ARHGAP45: variants seen among roughly 807,000 people sequenced by gnomAD.
The protein encoded by ARHGAP45 is Rho GTPase activating protein 45.
ARHGAP45 carries 56 observed loss-of-function variants against 116.1 expected under a neutral mutation model. That is an observed-to-expected ratio of 0.48 (90% CI 0.39 to 0.60). ARHGAP45 has a LOEUF of 0.60. Among genes scored for constraint, ARHGAP45 ranks in the 20% least tolerant of loss-of-function variants. The pLI is 0.00. For missense variants in ARHGAP45, 1,622 were observed against 1,601.0 expected, an observed-to-expected ratio of 1.01 and a Z score of -0.22; for synonymous variants, 866 against 701.7, an observed-to-expected ratio of 1.23 and a Z score of -3.70.
At position 1,079,876 on chromosome 19, in the gene ARHGAP45, G is replaced by A. The variant is rs376228857; in HGVS notation, c.1512+36G>A. The A allele has an allele frequency of 2.1e-5, 33 of 1,592,086 alleles. No homozygotes were observed. The African/African-American group carries it at 3.9e-4, about 19-fold the overall frequency. On this transcript the variant is annotated intron_variant, in intron 12 of 22. Transcript: ENST00000313093. ...TGCTCCGGCCGCCCGGGCGGGGATG[G>A]TGGACCGGGCGGCCTCCTCCTGACC...
chr19:1,085,518 T>C, intron 22 of ARHGAP45, 142 bp from the exon 23 acceptor site: 1 of 628,780 alleles, frequency 1.6e-6, no homozygotes, highest in Non-Finnish European at 2.7e-6. Flanking sequence ...CCTCCATCTC[T>C]CCTGTCTCTC....
In ARHGAP45 at chr19:1,080,113, C is replaced by T. The variant is rs140320291; in HGVS notation, c.1698C>T (p.Asn566=). 1.1e-5 allele frequency: 17 copies of T among 1,611,420 alleles called. No homozygotes were observed. The highest frequency in any genetic ancestry group is 1.6e-4 in the Middle Eastern group (1 of 6,078). The change falls in exon 13 of 23, where the codon AAC becomes AAT. Residue 566 remains asparagine, a synonymous_variant. Transcript: ENST00000313093. The part of the protein sequence containing the change: ...HYDFEPHVSA[N]AWSPVMRARK... ...ACTTTGAGCCCCACGTCTCCGCCAA[C>T]GCCTGGTACCGCCACCCAGCTGCCC...
intron 16 of ARHGAP45, 44 bp downstream of exon 16, chr19:1,080,830 C>G (rs765460960): frequency 6.2e-7 from 1 of 1,610,172 alleles, no homozygotes; most frequent in South Asian, 1.1e-5. Flanking sequence ...GGGGTTTGGA[C>G]ACAGTCCATG....
intron 2 of ARHGAP45, 59 bp from the exon 3 acceptor site, chr19:1,073,085 AGGTGG>A (rs2043169542): frequency 1.3e-6 from 2 of 1,517,418 alleles, no homozygotes; most frequent in Non-Finnish European, 1.8e-6. Flanking sequence ...AAGAGGGAGG[AGGTGG>A]ACAGACTTTC....
rs148488853 is a variant in ARHGAP45, at chr19:1,080,361, C to A, written c.1810C>A (p.Pro604Thr). Reference protein sequence around the residue: ...PEEGGCTEGTPAKDHRAGRGH... With the variant: ...PEEGGCTEGTTAKDHRAGRGH... ...AGAAGGCGGGTGCACTGAGGGCACA[C>A]CTGCCAAGGACCACAGGGGTGAGTG... The change falls in exon 14 of 23, where the codon CCT becomes ACT. Residue 604 changes from proline to threonine, a missense_variant. Transcript: ENST00000313093. The A allele has an allele frequency of 1.9e-6, 3 of 1,607,610 alleles. No individual in the cohort carries two copies. Among genetic ancestry groups the A allele is most frequent in the Non-Finnish European group, 2.5e-6 (3 of 1,178,836 alleles).
Position 1,086,187 on chromosome 19 carries a change from C to CT in ARHGAP45, c.*183dup, listed in dbSNP as rs2043643547. On this transcript the variant is annotated 3_prime_UTR_variant, in exon 23 of 23. Coordinates refer to ENST00000313093, the MANE Select transcript of ARHGAP45 (RefSeq NM_012292.5). ...CAGAGGCTTCCAGGAGCACGAGGGC[C>CT]TTGCGGCACAGGACTGTGCCCTGTG... is the stretch of plus-strand genomic sequence containing the variant. 1.6e-6 allele frequency: 1 copy of CT among 607,946 alleles called. No individual in the cohort carries two copies. Among genetic ancestry groups the CT allele is most frequent in the African/African-American group, 1.9e-5 (1 of 53,942 alleles). The allele number at this position is 607,946 out of a possible 1,614,324, so 37.7% of individuals were successfully genotyped here.
chr19:1,078,289 G>T (rs933108298), intron 11 of ARHGAP45, among the ~76,000 whole-genome samples: 1 of 150,956 alleles, frequency 6.6e-6, no homozygotes, highest in South Asian at 2.1e-4. Context: ...GACTACAGGC[G>T]CCCGCCACCA....
chr19:1,081,476 TG>T, intron 17 of ARHGAP45, 73 bp from the exon 18 acceptor site: 1 of 1,358,392 alleles, frequency 7.4e-7, no homozygotes, highest in Non-Finnish European at 9.7e-7. Flanking sequence ...CCCGGGGAGG[TG>T]GGGTGGAGCC....
intron 10 of ARHGAP45, chr19:1,077,075 T>C: frequency 1.2e-5 from 12 of 985,332 alleles, no homozygotes; most frequent in Non-Finnish European, 1.3e-5. Flanking sequence ...GCGAATCTGA[T>C]GGTGCAGGTT....
chr19:1,084,027 G>C (rs62131205), intron 21 of ARHGAP45, among the ~76,000 whole-genome samples: 13,222 of 152,206 alleles, frequency 0.087, 694 homozygotes, highest in African/African-American at 0.13. Flanking sequence ...ACAGGTGTGA[G>C]CCACTGCACG....
At position 1,086,081 on chromosome 19, in the gene ARHGAP45, C is replaced by A; in HGVS notation, c.*75C>A. 3.0e-6 allele frequency: 4 copies of A among 1,340,744 alleles called. No homozygotes were observed. The highest frequency in any genetic ancestry group is 4.6e-5 in the East Asian group (2 of 43,272). 83.1% of individuals were successfully genotyped at this position (1,340,744 alleles called of 1,614,324 possible). A position where few individuals can be genotyped will look rare whatever the true frequency, so the allele number is the denominator to read the frequency against. On this transcript the variant is annotated 3_prime_UTR_variant, in exon 23 of 23. Transcript: ENST00000313093. ...TCCCTCCAGCACGTCCCCTGCACCA[C>A]GGCATAGCTTAGGTGCGCCGTCCTG...
chr19:1,073,239 T>C lies in ARHGAP45; in HGVS notation c.512T>C (p.Leu171Pro). 1 of 1,613,676 alleles carries C rather than the reference T, an allele frequency of 6.2e-7. No individual in the cohort carries two copies. Among genetic ancestry groups the C allele is most frequent in the South Asian group, 1.1e-5 (1 of 91,084 alleles). The part of the protein sequence containing the change: ...MHQIISKYPL[L>P]NTVETLTAAG... ...CAGATCATCTCCAAGTACCCGCTGC[T>C]GAACACCGTGGAGACGCTCACCGCA... The change falls in exon 3 of 23, where the codon CTG (leucine) becomes CCG (proline). Residue 171 changes from leucine (L) to proline (P), a missense_variant. This residue lies in a region of ARHGAP45 where 279 missense variants were observed against 311.9 expected (regional missense o/e 0.89). Coordinates refer to ENST00000313093, the MANE Select transcript of ARHGAP45 (RefSeq NM_012292.5).
At chr19:1,076,451 C>T (rs2043249798) in intron 10 of ARHGAP45, among the ~76,000 whole-genome samples, 1 of 146,270 alleles carries the variant, frequency 6.8e-6, no homozygotes, top group Non-Finnish European at 1.5e-5. Flanking sequence ...GCCTATTTTG[C>T]CAGGTAGAAA....
Position 1,079,978 on chromosome 19 carries a change from C to A in ARHGAP45, c.1563C>A (p.Pro521=), listed in dbSNP as rs566734404. 1.2e-6 allele frequency: 2 copies of A among 1,612,678 alleles called. No homozygotes were observed. Among genetic ancestry groups the A allele is most frequent in the East Asian group, 2.2e-5 (1 of 44,892 alleles). Residue 521 remains proline, a synonymous_variant, in exon 13 of 23, where the codon CCC becomes CCA. Transcript: ENST00000313093. ...QMMHMQTAPL[P]VHFQMLCESS... is the part of the protein sequence containing the mutation. ...TGCATATGCAGACGGCGCCGCTGCC[C>A]GTGCACTTCCAGATGCTGTGTGAGA...
Position 1,071,420 on chromosome 19 carries a change from C to G in ARHGAP45, c.422-1729C>G. 2.7e-6 allele frequency: 3 copies of G among 1,099,900 alleles called. No individual in the cohort carries two copies. Among genetic ancestry groups the G allele is most frequent in the Non-Finnish European group, 3.3e-6 (3 of 901,980 alleles). 68.1% of individuals were successfully genotyped at this position (1,099,900 alleles called of 1,614,324 possible). On this transcript the variant is annotated intron_variant, in intron 2 of 22. Transcript: ENST00000313093. This position sits in a 1 kb window ranked among gnomAD's most constrained non-coding sequence, Gnocchi z 4.6. The stretch of plus-strand genomic sequence containing the variant: ...GTCCGGGAGCACGTGGCGCTCGGGC[C>G]GTTTGCCGCCCGCGGTGGGGGAGCA...
At chr19:1,085,557 C>T (rs999226103) in intron 22 of ARHGAP45, 103 bp from the exon 23 acceptor site, 20 of 821,566 alleles carry the variant, frequency 2.4e-5, no homozygotes, top group African/African-American at 2.4e-4. Context: ...CCATCTCTCT[C>T]CCCCCTCTCC....
intron 19 of ARHGAP45, chr19:1,082,630 A>G (rs1169678117): frequency 1.8e-6 from 1 of 544,840 alleles, no homozygotes; most frequent in Non-Finnish European, 3.2e-6. Context: ...AGAGCGAGAA[A>G]GGGAGTGGAG....
At chr19:1,077,305 C>T (rs909884842) in intron 10 of ARHGAP45, 9 of 984,632 alleles carry the variant, frequency 9.1e-6, no homozygotes, top group Non-Finnish European at 9.6e-6. Context: ...CTCAGCTTCC[C>T]GGGCTGCAGA....
Position 1,068,538 on chromosome 19 carries a change from C to T in ARHGAP45, c.215C>T (p.Ala72Val). Residue 72 changes from alanine to valine, a missense_variant, in exon 2 of 23, where the codon GCC (alanine) becomes GTC (valine). This residue lies in a region of ARHGAP45 where 279 missense variants were observed against 311.9 expected (regional missense o/e 0.89). Coordinates refer to ENST00000313093, the MANE Select transcript of ARHGAP45 (RefSeq NM_012292.5). This position sits in a 1 kb window ranked among gnomAD's most constrained non-coding sequence, Gnocchi z 7.5. ...LKRPTSLSRH[A>V]SAAGFPLSGA... ...CGGCCCACCAGCCTGAGCCGCCACG[C>T]CAGCGCGGCTGGCTTCCCCCTGTCG... 6.2e-7 allele frequency: 1 copy of T among 1,608,108 alleles called. No individual in the cohort carries two copies. Among genetic ancestry groups the T allele is most frequent in the East Asian group, 2.2e-5 (1 of 44,712 alleles).
Sources: allele counts gnomAD v4.1 joint callset (sites outside exome capture counted in the v4.1 genomes callset), GRCh38; gene constraint gnomAD v4.1.1; regional missense constraint gnomAD v4.1.1; non-coding constraint Gnocchi (gnomAD v3.1); transcripts MANE v1.5; gene names NCBI Gene and HGNC (gene_info 2026-07-23, HGNC 2026-07-21).